Variants in UNC13B observed in about 807,000 individuals in gnomAD.
UNC13B encodes the protein protein unc-13 homolog B.
A neutral mutation model predicts 211.0 loss-of-function variants in UNC13B; 144 were observed. The ratio of observed to expected loss-of-function variants is 0.68; its 90% confidence interval spans 0.60 to 0.78. The LOEUF (loss-of-function observed/expected upper bound fraction) is 0.78, where lower values mean the gene tolerates loss of function less well. Among genes scored for constraint, UNC13B ranks in the 30% least tolerant of loss-of-function variants. UNC13B has a pLI of 0.00. For synonymous variants in UNC13B, 709 were observed against 725.8 expected (o/e 0.98, Z 0.37); for missense variants, 1,777 against 2,002.0 (o/e 0.89, Z 2.14).
At chr9:35,162,805 G>T (rs1011096636) in intron 1 of UNC13B, among the ~76,000 whole-genome samples, 4 of 152,162 alleles carry the variant, frequency 2.6e-5, no homozygotes, top group African/African-American at 9.7e-5. Context: ...CGGTAGTATA[G>T]GCTAAGATTA....
At chr9:35,375,459 C>T (rs79061471) in intron 14 of UNC13B, among the ~76,000 whole-genome samples, 4,363 of 152,234 alleles carry the variant, frequency 0.029, 212 homozygotes, top group African/African-American at 0.1. Context: ...GGACCTAGTA[C>T]CTTCTGTTTT....
At chr9:35,331,022 AAGTC>A (rs1831339665) in intron 11 of UNC13B, among the ~76,000 whole-genome samples, 1 of 152,216 alleles carries the variant, frequency 6.6e-6, no homozygotes, top group Non-Finnish European at 1.5e-5. Flanking sequence ...CTTATGGAAT[AAGTC>A]AGATTCCTCT....
intron 11 of UNC13B, chr9:35,351,186 C>G (rs894893697): frequency 4.7e-6 from 3 of 637,754 alleles, no homozygotes; most frequent in Non-Finnish European, 5.9e-6. Flanking sequence ...AGGGTTGATT[C>G]CTATAATCTT....
At position 35,307,806 on chromosome 9, in the gene UNC13B, C is replaced by T. The variant is rs1287762622; in HGVS notation, c.8402C>T (p.Ala2801Val). ...FSSPLPSGNR[A>V]AETGLMSSFK... ...TCACCTCTCCCCTCTGGCAATAGAG[C>T]AGCAGAGACTGGTTTAATGTCCAGT... Residue 2801 changes from alanine to valine, a missense_variant, in exon 9 of 40, where the codon GCA becomes GTA. Transcript: ENST00000635942. 2.5e-6 allele frequency: 1 copy of T among 398,918 alleles called. No homozygotes were observed. Among genetic ancestry groups the T allele is most frequent in the East Asian group, 3.6e-5 (1 of 28,084 alleles). 24.7% of individuals were successfully genotyped at this position (398,918 alleles called of 1,614,324 possible). A position where few individuals can be genotyped will look rare whatever the true frequency, so the allele number is the denominator to read the frequency against.
intron 1 of UNC13B, among the ~76,000 whole-genome samples, chr9:35,214,252 A>T (rs988785191): frequency 3.3e-5 from 5 of 151,756 alleles, no homozygotes; most frequent in African/African-American, 1.2e-4. Flanking sequence ...ACACAATAAA[A>T]CCCCTTTTCT....
At chr9:35,381,255 G>T in intron 19 of UNC13B, 40 bp downstream of exon 19, 1 of 1,552,792 alleles carries the variant, frequency 6.4e-7, no homozygotes, top group South Asian at 1.2e-5. Context: ...AGAAAGCAGT[G>T]CTGGGAGAGG....
intron 1 of UNC13B, among the ~76,000 whole-genome samples, chr9:35,181,037 A>G (rs146518458): frequency 6.6e-6 from 1 of 152,102 alleles, no homozygotes; most frequent in African/African-American, 2.4e-5. Flanking sequence ...AGTGAAGGCT[A>G]CACTGAGGCT....
chr9:35,387,031 ATGTT>A (rs1403675953), intron 24 of UNC13B, among the ~76,000 whole-genome samples: 1 of 152,174 alleles, frequency 6.6e-6, no homozygotes, highest in African/African-American at 2.4e-5. Flanking sequence ...CAAATATTGA[ATGTT>A]TGTTCTAGGC....
intron 11 of UNC13B, 143 bp downstream of exon 11, chr9:35,314,132 G>T: frequency 1.4e-6 from 1 of 708,452 alleles, no homozygotes; most frequent in South Asian, 1.6e-5. Flanking sequence ...AGAGCTTTAA[G>T]GGATGGGAAG....
At chr9:35,379,933 C>T (rs545912716) in intron 17 of UNC13B, among the ~76,000 whole-genome samples, 3 of 152,126 alleles carry the variant, frequency 2.0e-5, no homozygotes, top group South Asian at 4.2e-4. Context: ...AAAGCAAACC[C>T]GATAGACGAG....
At chr9:35,217,635 C>T (rs1167576134) in intron 1 of UNC13B, among the ~76,000 whole-genome samples, 19 of 152,074 alleles carry the variant, frequency 1.2e-4, no homozygotes, top group Non-Finnish European at 2.6e-4. Context: ...GTGATCCGCC[C>T]GCCTCGGCCT....
At chr9:35,212,914 T>C (rs3849919) in intron 1 of UNC13B, among the ~76,000 whole-genome samples, 149,730 of 152,328 alleles carry the variant, frequency 0.98, 73,636 homozygotes, top group East Asian at 1. Context: ...TGCCATTACA[T>C]ACACCTAGAT....
intron 7 of UNC13B, among the ~76,000 whole-genome samples, chr9:35,259,302 A>G (rs1262506451): frequency 6.6e-6 from 1 of 152,012 alleles, no homozygotes; most frequent in Non-Finnish European, 1.5e-5. Flanking sequence ...CTACCCCTGG[A>G]GGAATGATTT....
intron 26 of UNC13B, 74 bp downstream of exon 26, chr9:35,390,788 C>T: frequency 7.1e-7 from 1 of 1,399,274 alleles, no homozygotes; most frequent in Non-Finnish European, 9.9e-7. Flanking sequence ...CTTTCCTCTT[C>T]TAGACAACTA....
chr9:35,371,257 T>G (rs117963025), intron 13 of UNC13B, among the ~76,000 whole-genome samples: 3,838 of 152,228 alleles, frequency 0.025, 69 homozygotes, highest in Non-Finnish European at 0.041. Context: ...CGAATGAAAG[T>G]ATCATCTGCC....
chr9:35,326,888 C>T (rs533836020), intron 11 of UNC13B, among the ~76,000 whole-genome samples: 42 of 152,110 alleles, frequency 2.8e-4, no homozygotes, highest in African/African-American at 4.8e-4. Flanking sequence ...TCAAATCCTC[C>T]GCTCATTTTT....
chr9:35,187,406 C>T (rs1490560409), intron 1 of UNC13B, among the ~76,000 whole-genome samples: 3 of 152,050 alleles, frequency 2.0e-5, no homozygotes, highest in African/African-American at 7.2e-5. Flanking sequence ...CAGGAATAAG[C>T]GGGATTAGTC....
intron 3 of UNC13B, among the ~76,000 whole-genome samples, chr9:35,232,928 G>T (rs1391463993): frequency 6.6e-6 from 1 of 152,144 alleles, no homozygotes; most frequent in East Asian, 1.9e-4. Context: ...GAACAGAGAG[G>T]TAGGAGAGCC....
intron 3 of UNC13B, among the ~76,000 whole-genome samples, chr9:35,233,362 CTGTGA>C (rs928533692): frequency 6.6e-6 from 1 of 152,134 alleles, no homozygotes; most frequent in African/African-American, 2.4e-5. Context: ...TTTGACCCTG[CTGTGA>C]TATGTGTGAA....
Sources: allele counts gnomAD v4.1 joint callset (sites outside exome capture counted in the v4.1 genomes callset), GRCh38; gene constraint gnomAD v4.1.1; transcripts MANE v1.5; gene names NCBI Gene and HGNC (gene_info 2026-07-23, HGNC 2026-07-21).